The following CXorf38 variants were observed in gnomAD, a reference collection of about 807,000 sequenced individuals.
The protein encoded by CXorf38 is chromosome X open reading frame 38, also known as uncharacterized protein CXorf38.
CXorf38 carries 13 observed loss-of-function variants against 27.5 expected under a neutral mutation model. The observed-to-expected ratio is 0.47, with a 90% CI of 0.31 to 0.75. The LOEUF (loss-of-function observed/expected upper bound fraction) is 0.75. CXorf38 is among the 30% of genes least tolerant of loss of function. CXorf38 has a pLI of 0.05. For missense variants in CXorf38, 240 were observed against 253.2 expected (o/e 0.95, Z 0.35); for synonymous variants, 100 against 99.8 (o/e 1.00, Z -0.01).
At chrX:40,633,056 T>G (rs1255536024) in intron 5 of CXorf38, among the ~76,000 whole-genome samples, 1 of 111,488 alleles carries the variant, frequency 9.0e-6, no homozygotes, top group African/African-American at 3.3e-5. Context: ...TTCTCTCACA[T>G]GCCACATCTG....
intron 5 of CXorf38, among the ~76,000 whole-genome samples, chrX:40,634,026 G>A (rs1324117900): frequency 9.0e-6 from 1 of 111,481 alleles, no homozygotes; most frequent in Non-Finnish European, 1.9e-5. Context: ...AAATCTCACA[G>A]TCACAGCAAT....
chrX:40,640,154 G>GAC, intron 2 of CXorf38: 1 of 302,854 alleles, frequency 3.3e-6, no homozygotes, highest in Non-Finnish European at 6.2e-6. Context: ...AACAAAGCAA[G>GAC]ACTCCCATCT....
At chrX:40,645,629 T>A (rs1268003720) in intron 2 of CXorf38, among the ~76,000 whole-genome samples, 2 of 110,477 alleles carry the variant, frequency 1.8e-5, no homozygotes, top group Non-Finnish European at 3.8e-5. Flanking sequence ...TACAGTTCAA[T>A]TTTTTAAGAC....
chrX:40,635,211 C>T (rs1327034869), intron 5 of CXorf38, among the ~76,000 whole-genome samples: 1 of 113,060 alleles, frequency 8.8e-6, no homozygotes, highest in Non-Finnish European at 1.9e-5. Context: ...GGAACTCAAA[C>T]ACATGGATTT....
intron 5 of CXorf38, among the ~76,000 whole-genome samples, chrX:40,632,107 C>T (rs967431957): frequency 1.8e-5 from 2 of 111,965 alleles, no homozygotes; most frequent in Non-Finnish European, 3.8e-5. Context: ...GTGGGCACTG[C>T]ATCGTTAGCT....
At chrX:40,643,743 C>T (rs1928450979) in intron 2 of CXorf38, among the ~76,000 whole-genome samples, 1 of 111,794 alleles carries the variant, frequency 8.9e-6, no homozygotes, top group South Asian at 3.7e-4. Context: ...CTCCTGACCT[C>T]AGGTGATCTG....
At position 40,647,117 on chromosome X, in the gene CXorf38, C is replaced by T. The variant is rs777608701; in HGVS notation, c.241G>A (p.Ala81Thr). ...RQFQPQCQVCAEWKREILRHH... is the reference protein window; with the variant it reads ...RQFQPQCQVCTEWKREILRHH... ...CTCAAAATCTCCCTTTTCCATTCAG[C>T]GCACACCTGACACTGAGGCTGAAAC... The change falls in exon 2 of 7, where the codon GCT becomes ACT. Residue 81 changes from alanine to threonine, a missense_variant. Transcript: ENST00000327877. The T allele has an allele frequency of 8.3e-7, 1 of 1,212,087 alleles. No homozygotes were observed. The highest frequency in any genetic ancestry group is 2.2e-5 in the Admixed American group (1 of 46,146).
chrX:40,631,360 T>G lies in CXorf38; in HGVS notation c.802-587A>C, dbSNP rs762504758. On this transcript the variant is annotated intron_variant, in intron 5 of 6. Coordinates refer to ENST00000327877, the MANE Select transcript of CXorf38 (RefSeq NM_144970.3). Reference sequence around the variant, plus strand: ...TCTTGCTCTGTCACCCAGGCTGGAGTGCAATGGTGTGATCTCGGCTCACTG... The same window carrying G: ...TCTTGCTCTGTCACCCAGGCTGGAGGGCAATGGTGTGATCTCGGCTCACTG... 1.7e-3 allele frequency among the ~76,000 whole-genome samples: 181 copies of G among 107,419 alleles called. 3 individuals carry two copies. The highest frequency in any genetic ancestry group is 1.8e-3 in the Admixed American group (18 of 10,054). The allele number at this position is 107,419 out of a possible 115,157, so 93.3% of individuals were successfully genotyped here. A position where few individuals can be genotyped will look rare whatever the true frequency, so the allele number is the denominator to read the frequency against.
intron 2 of CXorf38, among the ~76,000 whole-genome samples, chrX:40,646,780 A>AG: frequency 9.0e-6 from 1 of 110,929 alleles, no homozygotes. Flanking sequence ...CTTTCCAAGC[A>AG]GGGGTAACAA....
At chrX:40,646,354 C>T (rs1928577185) in intron 2 of CXorf38, among the ~76,000 whole-genome samples, 1 of 111,145 alleles carries the variant, frequency 9.0e-6, no homozygotes, top group South Asian at 3.8e-4. Context: ...CTTTCCAGTG[C>T]CCACCCTGTG....
chrX:40,641,517 A>G (rs1202672319), intron 2 of CXorf38, among the ~76,000 whole-genome samples: 1 of 111,316 alleles, frequency 9.0e-6, no homozygotes, highest in Non-Finnish European at 1.9e-5. Context: ...CCTCCCAAGT[A>G]CCTGTGAGGA....
At position 40,637,101 on chromosome X, in the gene CXorf38, G is replaced by A. The variant is rs746578704; in HGVS notation, c.527C>T (p.Thr176Met). The change falls in exon 4 of 7, where the codon ACG (threonine) becomes ATG (methionine). Residue 176 changes from threonine (T) to methionine (M), a missense_variant. Transcript: ENST00000327877. The part of the protein sequence containing the change: ...MHSSEMKVSS[T>M]WLRDFQMKIQ... The stretch of plus-strand genomic sequence containing the variant: ...CTTCATCTGAAAATCTCGAAGCCAC[G>A]TAGAAGATACTTTCATCTCTGAAGA... The A allele has an allele frequency of 2.5e-6, 3 of 1,202,618 alleles. No homozygotes were observed. Among genetic ancestry groups the A allele is most frequent in the East Asian group, 3.0e-5 (1 of 33,804 alleles).
chrX:40,641,464 T>G (rs1928321924), intron 2 of CXorf38, among the ~76,000 whole-genome samples: 1 of 111,940 alleles, frequency 8.9e-6, no homozygotes, highest in Non-Finnish European at 1.9e-5. Flanking sequence ...CACAGCTCAC[T>G]GCAGCCTCAA....
chrX:40,630,593 C>T, intron 6 of CXorf38, 21 bp downstream of exon 6: 1 of 1,193,307 alleles, frequency 8.4e-7, no homozygotes, highest in Middle Eastern at 2.4e-4. Flanking sequence ...TTCTTTAACA[C>T]CATCATCTGC....
intron 2 of CXorf38, 114 bp downstream of exon 2, chrX:40,646,893 A>G: frequency 2.3e-6 from 2 of 859,732 alleles, no homozygotes; most frequent in Non-Finnish European, 3.2e-6. Context: ...ACCCTTGATC[A>G]ATCTCTCTCT....
intron 5 of CXorf38, among the ~76,000 whole-genome samples, chrX:40,631,569 G>A (rs1927812776): frequency 9.0e-6 from 1 of 111,700 alleles, no homozygotes; most frequent in Admixed American, 9.5e-5. Flanking sequence ...GCCTCCCAAA[G>A]TGCTGGGATT....
At position 40,633,839 on chromosome X, in the gene CXorf38, AT is replaced by A. The variant is rs1048648011; in HGVS notation, c.801+2693del. On this transcript the variant is annotated intron_variant, in intron 5 of 6. Coordinates refer to ENST00000327877, the MANE Select transcript of CXorf38 (RefSeq NM_144970.3). ...ACTGTGCTCAATGTTCTTTAGTTGG[AT>A]TTTTTTTTAACTCCCAGATCCTAAC... is the stretch of plus-strand genomic sequence containing the variant. Among the ~76,000 whole-genome samples the A allele has an allele frequency of 1.9e-4, 21 of 109,996 alleles. No individual in the cohort carries two copies. The East Asian group carries it at 4.0e-3, about 21-fold the overall frequency.
At chrX:40,637,252 T>TA (rs1928115872) in intron 3 of CXorf38, 96 bp from the exon 4 acceptor site, 1 of 629,364 alleles carries the variant, frequency 1.6e-6, no homozygotes. Flanking sequence ...GAGGCTTTGT[T>TA]AATTATAAAA....
intron 6 of CXorf38, 179 bp downstream of exon 6, chrX:40,630,435 C>T (rs367632998): frequency 7.6e-6 from 3 of 392,650 alleles, no homozygotes; most frequent in African/African-American, 5.1e-5. Flanking sequence ...ACTTCACAGA[C>T]GTAAGAATCA....
Sources: gnomAD v4.1 joint callset for allele counts (sites outside exome capture counted in the v4.1 genomes callset) on GRCh38, gnomAD v4.1.1 for gene constraint, MANE v1.5 for transcripts, NCBI Gene and HGNC (gene_info 2026-07-23, HGNC 2026-07-21) for gene names.